DLC1: variants seen among roughly 807,000 people sequenced by gnomAD.
DLC1 encodes the protein rho GTPase-activating protein 7.
In DLC1, 54 loss-of-function variants were observed where a neutral mutation model predicts 140.3. That is an observed-to-expected ratio of 0.38 (90% confidence interval 0.31 to 0.48). DLC1 has a LOEUF of 0.48. Among genes scored for constraint, DLC1 ranks in the 20% least tolerant of loss-of-function variants. The pLI, the probability that DLC1 is intolerant of heterozygous loss-of-function variation, is 0.96. For missense variants in DLC1, 2,536 were observed against 1,907.0 expected (o/e 1.33, Z -6.14); for synonymous variants, 986 against 728.1 (o/e 1.35, Z -5.70).
intron 2 of DLC1, among the ~76,000 whole-genome samples, chr8:13,440,421 A>C (rs543642475): frequency 6.6e-6 from 1 of 152,226 alleles, no homozygotes; most frequent in African/African-American, 2.4e-5. Context: ...AAAAATCTCA[A>C]ATTTCCTGTC....
intron 4 of DLC1, among the ~76,000 whole-genome samples, chr8:13,380,808 A>G (rs1040435133): frequency 6.6e-6 from 1 of 152,184 alleles, no homozygotes; most frequent in Non-Finnish European, 1.5e-5. Flanking sequence ...AGCTTGCAAG[A>G]AGTATTTGGA....
At chr8:13,342,836 T>TTCTCTCTCTCTCTC (rs1206303018) in intron 4 of DLC1, 39 of 126,178 alleles carry the variant, frequency 3.1e-4, no homozygotes, top group African/African-American at 1.2e-3. Flanking sequence ...TCAGTTGTGC[T>TTCTCTCTCTCTCTC]TCTCTCTCTC....
chr8:13,357,590 C>G (rs1360879409), intron 4 of DLC1, among the ~76,000 whole-genome samples: 1 of 152,198 alleles, frequency 6.6e-6, no homozygotes, highest in African/African-American at 2.4e-5. Context: ...CTGCATGTGA[C>G]CCTTTGTTTA....
rs893490834 is a variant in DLC1, at chr8:13,100,716, G to C, written c.1621C>G (p.Gln541Glu). 1.2e-6 allele frequency: 2 copies of C among 1,607,034 alleles called. No homozygotes were observed. The highest frequency in any genetic ancestry group is 1.7e-6 in the Non-Finnish European group (2 of 1,177,016). Residue 541 changes from glutamine to glutamate, a missense_variant, in exon 9 of 18, where the codon CAA becomes GAA. Transcript: ENST00000276297. ...PCAISGKWTFQRDSKRWSRLE... is the reference protein window; with the variant it reads ...PCAISGKWTFERDSKRWSRLE... Reference sequence around the variant, plus strand: ...CGGGACCACCTCTTGCTGTCCCTTTGGAAAGTCCATTTGCCACTGATGGCA... The same window carrying C: ...CGGGACCACCTCTTGCTGTCCCTTTCGAAAGTCCATTTGCCACTGATGGCA...
At chr8:13,507,974 CAACTT>C (rs1563408726) in intron 1 of DLC1, among the ~76,000 whole-genome samples, 1 of 152,108 alleles carries the variant, frequency 6.6e-6, no homozygotes, top group East Asian at 1.9e-4. Context: ...AGTTTTTACT[CAACTT>C]AAAACATTTT....
chr8:13,570,464 G>A (rs796731097), intron 1 of DLC1, among the ~76,000 whole-genome samples: 40 of 102,820 alleles, frequency 3.9e-4, no homozygotes, highest in African/African-American at 1.5e-3. Context: ...CCCCACCACA[G>A]TCCCCAGAGT....
At chr8:13,479,884 A>AAGAAGAAGAAG (rs1800634870) in intron 2 of DLC1, among the ~76,000 whole-genome samples, 1 of 145,268 alleles carries the variant, frequency 6.9e-6, no homozygotes, top group African/African-American at 2.5e-5. Context: ...AGAAAGAAAG[A>AAGAAGAAGAAG]AAGAAAAAGA....
chr8:13,407,002 G>A (rs1392182041), intron 2 of DLC1, among the ~76,000 whole-genome samples: 1 of 152,326 alleles, frequency 6.6e-6, no homozygotes, highest in Admixed American at 6.5e-5. Flanking sequence ...GCAACCAGCT[G>A]CTGTCAAAGT....
intron 5 of DLC1, among the ~76,000 whole-genome samples, chr8:13,262,419 G>A (rs1335842125): frequency 2.6e-5 from 4 of 151,332 alleles, no homozygotes; most frequent in Non-Finnish European, 5.9e-5. Context: ...TTTGACTTGT[G>A]TCCTTCTGGA....
At chr8:13,125,486 G>A (rs9657215) in intron 5 of DLC1, among the ~76,000 whole-genome samples, 35,664 of 152,124 alleles carry the variant, frequency 0.23, 7,626 homozygotes, top group African/African-American at 0.57. Flanking sequence ...GCAGCATGTT[G>A]TCTTCCAAAG....
chr8:13,102,915 C>T, intron 7 of DLC1, 62 bp from the exon 8 acceptor site: 3 of 1,385,380 alleles, frequency 2.2e-6, no homozygotes, highest in Non-Finnish European at 3.0e-6. Flanking sequence ...AGTGGATAAA[C>T]ACCTGTTTTT....
rs1836869869 is a variant in DLC1 at position 13,393,613 on chromosome 8, C to T, written c.1254G>A (p.Glu418=). 6.2e-7 allele frequency: 1 copy of T among 1,614,100 alleles called. No individual in the cohort carries two copies. Among genetic ancestry groups the T allele is most frequent in the Non-Finnish European group, 8.5e-7 (1 of 1,180,022 alleles). The change falls in exon 4 of 18, where the codon GAG becomes GAA. Residue 418 remains glutamate, a synonymous_variant. Transcript: ENST00000276297. ...QTRVNLSSDT[E]STDLPSSTPV... ...GAGTGGAAGATGGGAGGTCCGTGGA[C>T]TCAGTGTCAGAAGACAAATTTACTC...
intron 5 of DLC1, chr8:13,304,807 A>C: frequency 1.0e-6 from 1 of 968,118 alleles, no homozygotes; most frequent in African/African-American, 1.8e-5. Flanking sequence ...AAAATACTAT[A>C]ATTTTTTTCT....
intron 5 of DLC1, among the ~76,000 whole-genome samples, chr8:13,288,257 T>A (rs1586074973): frequency 6.6e-6 from 1 of 152,238 alleles, no homozygotes; most frequent in African/African-American, 2.4e-5. Flanking sequence ...TTTGTTTTCC[T>A]TTAATACAGA....
At chr8:13,405,897 C>CTT (rs1408726842) in intron 2 of DLC1, among the ~76,000 whole-genome samples, 1 of 97,368 alleles carries the variant, frequency 1.0e-5, no homozygotes, top group African/African-American at 3.8e-5. Context: ...TTCTTTCTTT[C>CTT]TTTTTCTTTC....
intron 4 of DLC1, among the ~76,000 whole-genome samples, chr8:13,307,437 A>G (rs2117531281): frequency 6.6e-6 from 1 of 152,296 alleles, no homozygotes; most frequent in Non-Finnish European, 1.5e-5. Flanking sequence ...GTGATCCTAC[A>G]GTTTTGGTAA....
chr8:13,313,343 A>T (rs771208237), intron 4 of DLC1, among the ~76,000 whole-genome samples: 1 of 152,214 alleles, frequency 6.6e-6, no homozygotes, highest in Non-Finnish European at 1.5e-5. Context: ...CTGTGAAAAG[A>T]AGTAATCTAA....
intron 3 of DLC1, among the ~76,000 whole-genome samples, chr8:13,397,754 T>G (rs965321973): frequency 6.6e-6 from 1 of 152,026 alleles, no homozygotes; most frequent in African/African-American, 2.4e-5. Flanking sequence ...GAGGATTGCT[T>G]GAGCCCAGGA....
At position 13,596,185 on chromosome 8, in the gene DLC1, G is replaced by A. The variant is rs530951716; in HGVS notation, c.-126+8352C>T. Among the ~76,000 whole-genome samples, 16 of 152,044 alleles carry A rather than the reference G, an allele frequency of 1.1e-4. No homozygotes were observed. The South Asian group carries it at 3.3e-3, about 32-fold the overall frequency. ...ATCACATCTTATAGTCAATTGTTGG[G>A]TGCCTGTCTTAGCACCAAATTTTGT... On this transcript the variant is annotated intron_variant, in intron 1 of 1. Transcript: ENST00000631382.
Sources: allele counts gnomAD v4.1 joint callset (sites outside exome capture counted in the v4.1 genomes callset), GRCh38; gene constraint gnomAD v4.1.1; transcripts MANE v1.5; gene names NCBI Gene and HGNC (gene_info 2026-07-23, HGNC 2026-07-21).